Variants in PPP1R14C observed in about 807,000 individuals in gnomAD.
PPP1R14C encodes protein phosphatase 1 regulatory subunit 14C.
A neutral mutation model predicts 20.4 loss-of-function variants in PPP1R14C; 16 were observed. The observed-to-expected ratio is 0.78, with a 90% CI of 0.53 to 1.19. PPP1R14C has a LOEUF of 1.19. PPP1R14C is among the 50% of genes most tolerant of loss of function. The pLI is 0.00. For missense variants in PPP1R14C, 211 were observed against 220.1 expected, an observed-to-expected ratio of 0.96 and a Z score of 0.26; for synonymous variants, 91 against 91.0, an observed-to-expected ratio of 1.00 and a Z score of 0.00.
At chr6:150,223,615 C>T (rs972701891) in intron 3 of PPP1R14C, among the ~76,000 whole-genome samples, 1 of 152,072 alleles carries the variant, frequency 6.6e-6, no homozygotes, top group Non-Finnish European at 1.5e-5. Context: ...AGAAACTTTT[C>T]ATATGCTTAT....
chr6:150,200,339 C>T (rs916522177), intron 1 of PPP1R14C, among the ~76,000 whole-genome samples: 3 of 152,118 alleles, frequency 2.0e-5, no homozygotes, highest in South Asian at 2.1e-4. Flanking sequence ...GCAGTAGTCT[C>T]GGCTACCCCT....
rs565402162 is a variant in PPP1R14C at position 150,206,236 on chromosome 6, C to T, written c.307-8508C>T. The stretch of plus-strand genomic sequence containing the variant: ...CCAGCCCCCATACTCCCTGTCTCCC[C>T]TGCCTAATTTTTCTGCAAAATATTT... On this transcript the variant is annotated intron_variant, in intron 1 of 3. Coordinates refer to ENST00000361131, the MANE Select transcript of PPP1R14C (RefSeq NM_030949.3). 2.6e-3 allele frequency among the ~76,000 whole-genome samples: 399 copies of T among 152,346 alleles called. 3 individuals carry two copies. Among genetic ancestry groups the T allele is most frequent in the African/African-American group, 9.3e-3 (388 of 41,570 alleles).
At chr6:150,162,443 C>G (rs759441540) in intron 1 of PPP1R14C, among the ~76,000 whole-genome samples, 4 of 152,188 alleles carry the variant, frequency 2.6e-5, no homozygotes, top group Non-Finnish European at 5.9e-5. Flanking sequence ...TGAAATCATA[C>G]AGTATACAGC....
At chr6:150,244,998 C>G (rs552872289) in intron 3 of PPP1R14C, among the ~76,000 whole-genome samples, 24 of 152,262 alleles carry the variant, frequency 1.6e-4, no homozygotes, top group Admixed American at 1.4e-3. Context: ...CCTGACATCT[C>G]ATCACAAATC....
intron 3 of PPP1R14C, among the ~76,000 whole-genome samples, chr6:150,230,596 G>A (rs1778283011): frequency 6.6e-6 from 1 of 152,152 alleles, no homozygotes; most frequent in South Asian, 2.1e-4. Flanking sequence ...AAAGCTGGGT[G>A]AGCATCCGCA....
intron 3 of PPP1R14C, among the ~76,000 whole-genome samples, chr6:150,218,199 C>T (rs1037343100): frequency 2.0e-5 from 3 of 151,956 alleles, no homozygotes; most frequent in Admixed American, 1.3e-4. Context: ...GTCAGGAGAT[C>T]GAGGCCATCC....
intron 1 of PPP1R14C, among the ~76,000 whole-genome samples, chr6:150,173,907 CT>C (rs1314530755): frequency 1.3e-5 from 2 of 152,016 alleles, no homozygotes; most frequent in Non-Finnish European, 2.9e-5. Flanking sequence ...ATCCTCAAAG[CT>C]TCCTCTGTCT....
At chr6:150,152,252 G>A (rs964541515) in intron 1 of PPP1R14C, among the ~76,000 whole-genome samples, 3 of 152,142 alleles carry the variant, frequency 2.0e-5, no homozygotes, top group African/African-American at 7.2e-5. Context: ...TTGAGCTGCA[G>A]GCCTCCGTCA....
chr6:150,165,050 C>T (rs1777409252), intron 1 of PPP1R14C, among the ~76,000 whole-genome samples: 1 of 152,182 alleles, frequency 6.6e-6, no homozygotes, highest in African/African-American at 2.4e-5. Flanking sequence ...TCCCAGCTTC[C>T]AGAATGGTGA....
chr6:150,161,731 C>T (rs985182048), intron 1 of PPP1R14C, among the ~76,000 whole-genome samples: 1 of 152,236 alleles, frequency 6.6e-6, no homozygotes, highest in African/African-American at 2.4e-5. Context: ...TTGATTTTAA[C>T]AGACTCTACT....
chr6:150,224,488 A>G (rs774042159), intron 3 of PPP1R14C, among the ~76,000 whole-genome samples: 4 of 152,206 alleles, frequency 2.6e-5, no homozygotes, highest in Non-Finnish European at 4.4e-5. Context: ...AACATAGAAT[A>G]CCTCTCCAAT....
chr6:150,184,032 G>A (rs558914124), intron 1 of PPP1R14C, among the ~76,000 whole-genome samples: 154 of 152,308 alleles, frequency 1.0e-3, no homozygotes, highest in African/African-American at 3.3e-3. Context: ...TTTTGAAGAA[G>A]GATTAGTTGT....
chr6:150,187,883 T>A (rs1018852292), intron 1 of PPP1R14C, among the ~76,000 whole-genome samples: 1 of 152,232 alleles, frequency 6.6e-6, no homozygotes, highest in Non-Finnish European at 1.5e-5. Context: ...TTTTACATGC[T>A]TTACTTCTTG....
At chr6:150,226,149 T>C (rs1020585409) in intron 3 of PPP1R14C, among the ~76,000 whole-genome samples, 13 of 152,282 alleles carry the variant, frequency 8.5e-5, no homozygotes, top group South Asian at 8.3e-4. Context: ...TGCGGACTCT[T>C]GTCATGTAAA....
intron 1 of PPP1R14C, among the ~76,000 whole-genome samples, chr6:150,178,530 G>A (rs547750412): frequency 3.3e-5 from 5 of 152,302 alleles, no homozygotes; most frequent in East Asian, 1.9e-4. Context: ...AAGTCAATAC[G>A]ATTGATTTCT....
At chr6:150,232,878 G>T (rs1778310276) in intron 3 of PPP1R14C, among the ~76,000 whole-genome samples, 1 of 152,200 alleles carries the variant, frequency 6.6e-6, no homozygotes, top group Admixed American at 6.5e-5. Flanking sequence ...GACTAGAATT[G>T]CATTAAATTT....
intron 1 of PPP1R14C, chr6:150,194,894 G>A: frequency 4.1e-6 from 4 of 985,422 alleles, no homozygotes; most frequent in Non-Finnish European, 4.8e-6. Flanking sequence ...ATTTAAAGGT[G>A]AGATTGACTC....
chr6:150,234,749 T>C (rs185057310), intron 3 of PPP1R14C, among the ~76,000 whole-genome samples: 1 of 146,408 alleles, frequency 6.8e-6, no homozygotes, highest in Admixed American at 7.2e-5. Context: ...CTCAGGAGGC[T>C]GAGGCAAGAG....
intron 3 of PPP1R14C, among the ~76,000 whole-genome samples, chr6:150,221,647 C>T (rs1778168578): frequency 6.6e-6 from 1 of 152,130 alleles, no homozygotes; most frequent in Non-Finnish European, 1.5e-5. Context: ...AGTCAAAAGT[C>T]TTATGCCAAT....
Sources: gnomAD v4.1 joint callset for allele counts (sites outside exome capture counted in the v4.1 genomes callset) on GRCh38, gnomAD v4.1.1 for gene constraint, MANE v1.5 for transcripts, NCBI Gene and HGNC (gene_info 2026-07-23, HGNC 2026-07-21) for gene names.